Variants in TMEM39B observed in about 807,000 individuals in gnomAD.
The protein encoded by TMEM39B is transmembrane protein 39B.
A neutral mutation model predicts 52.2 loss-of-function variants in TMEM39B; 23 were observed. The observed-to-expected ratio is 0.44, with a 90% CI of 0.32 to 0.62. The LOEUF (loss-of-function observed/expected upper bound fraction) is 0.62, where lower values mean the gene tolerates loss of function less well. TMEM39B is among the 20% of genes least tolerant of loss of function. The probability of loss-of-function intolerance (pLI) is 0.06; values close to 1 mark genes in which losing one functional copy is unlikely to be tolerated. For synonymous variants in TMEM39B, 285 were observed against 264.0 expected (o/e 1.08, Z -0.77); for missense variants, 547 against 642.0 (o/e 0.85, Z 1.60).
chr1:32,079,116 G>A (rs777556928), intron 5 of TMEM39B, among the ~76,000 whole-genome samples: 5 of 151,738 alleles, frequency 3.3e-5, no homozygotes, highest in Non-Finnish European at 5.9e-5. Flanking sequence ...AGGCTGGAGT[G>A]CAGTGGCTAT....
intron 2 of TMEM39B, 30 bp from the exon 3 acceptor site, chr1:32,075,573 C>G: frequency 1.3e-6 from 2 of 1,535,058 alleles, no homozygotes; most frequent in Non-Finnish European, 1.8e-6. Flanking sequence ...CTCAGGTCAG[C>G]TGCTGATGTT....
rs757498173 is a variant in TMEM39B, at chr1:32,079,840, G to A, written c.590+2522G>A. ...GCTGGAGTGCAGTGGTGCAATCTTG[G>A]CTCACTGCAGCCTCCAACTCCCGGG... is the stretch of plus-strand genomic sequence containing the variant. On this transcript the variant is annotated intron_variant, in intron 5 of 8. Coordinates refer to ENST00000336294, the MANE Select transcript of TMEM39B (RefSeq NM_018056.4). Among the ~76,000 whole-genome samples the A allele has an allele frequency of 8.2e-4, 124 of 151,578 alleles. 2 individuals carry two copies. Among genetic ancestry groups the A allele is most frequent in the Non-Finnish European group, 1.9e-4 (13 of 67,892 alleles).
intron 7 of TMEM39B, among the ~76,000 whole-genome samples, chr1:32,097,397 C>A (rs1391024806): frequency 6.6e-6 from 1 of 150,586 alleles, no homozygotes; most frequent in East Asian, 1.9e-4. Flanking sequence ...GTGGCGCGAT[C>A]TTGGCTCAGT....
rs1640857625 is a variant in TMEM39B at position 32,097,539 on chromosome 1, C to T, written c.1115+2568C>T. ...TAGAGATGGGGTTTCACCATGCTGG[C>T]CAGGCTGGTCACGAACTCCCAACCT... On this transcript the variant is annotated intron_variant, in intron 7 of 8. Transcript: ENST00000336294. 5.9e-5 allele frequency among the ~76,000 whole-genome samples: 9 copies of T among 151,946 alleles called. No homozygotes were observed. In the South Asian group the frequency reaches 1.9e-3, roughly 32 times the overall value.
At chr1:32,084,940 A>C (rs1040360104) in intron 5 of TMEM39B, among the ~76,000 whole-genome samples, 1 of 152,176 alleles carries the variant, frequency 6.6e-6, no homozygotes, top group East Asian at 1.9e-4. Context: ...TCTAGTATCC[A>C]GTGTTGCTAG....
At chr1:32,076,493 A>G in intron 3 of TMEM39B, 1 of 583,266 alleles carries the variant, frequency 1.7e-6, no homozygotes, top group South Asian at 1.6e-5. Flanking sequence ...ACTTCAGTGC[A>G]GACACAGTAT....
In TMEM39B at chr1:32,100,502, C is replaced by T. The variant is rs371017002; in HGVS notation, c.1176C>T (p.Tyr392=). 84 of 1,613,502 alleles carry T rather than the reference C, an allele frequency of 5.2e-5. No homozygotes were observed. In the African/African-American group the frequency reaches 1.1e-3, roughly 20 times the overall value. Reference sequence around the variant, plus strand: ...TGGTGAAGCACAGCAAGAACGTCTACAAAGCCGTAGGCCACTACAACGTGG... The same window carrying T: ...TGGTGAAGCACAGCAAGAACGTCTATAAAGCCGTAGGCCACTACAACGTGG... The part of the protein sequence containing the change: ...GVLVKHSKNV[Y]KAVGHYNVAI... Residue 392 remains tyrosine, a synonymous_variant, in exon 8 of 9, where the codon TAC becomes TAT. Transcript: ENST00000336294.
rs1435107624 is a variant in TMEM39B, at chr1:32,078,393, G to GAATC, written c.590+1077_590+1080dup. Among the ~76,000 whole-genome samples, 3 of 152,054 alleles carry GAATC rather than the reference G, an allele frequency of 2.0e-5. No homozygotes were observed. The East Asian group carries it at 5.8e-4, about 29-fold the overall frequency. ...AGCTACTCAGGAAGCTGAGGTGGGAGAATCACCTGAGCTCAGGAGGTCGAG... is the reference window on the plus strand; with the variant it reads ...AGCTACTCAGGAAGCTGAGGTGGGAGAATCAATCACCTGAGCTCAGGAGGTCGAG... On this transcript the variant is annotated intron_variant, in intron 5 of 8. Coordinates refer to ENST00000336294, the MANE Select transcript of TMEM39B (RefSeq NM_018056.4).
chr1:32,072,075 C>T (rs1173013026), upstream of TMEM39B: 4 of 152,332 alleles, frequency 2.6e-5, no homozygotes, highest in East Asian at 7.7e-4. Context: ...TTGTTCATGT[C>T]TATCTCCTCC....
intron 5 of TMEM39B, among the ~76,000 whole-genome samples, chr1:32,081,101 T>C (rs1482884286): frequency 6.6e-6 from 1 of 152,166 alleles, no homozygotes; most frequent in Non-Finnish European, 1.5e-5. Context: ...AGTCCCACTC[T>C]TCATAGAAAA....
At chr1:32,073,272 C>T (rs992222687) in intron 1 of TMEM39B, 7 of 566,280 alleles carry the variant, frequency 1.2e-5, no homozygotes, top group African/African-American at 2.0e-5. Flanking sequence ...AAGACGAAGC[C>T]CTGTGGGGGC....
chr1:32,077,603 A>G (rs1337921208), intron 5 of TMEM39B, among the ~76,000 whole-genome samples: 1 of 152,176 alleles, frequency 6.6e-6, no homozygotes, highest in African/African-American at 2.4e-5. Flanking sequence ...GAGGGAATGT[A>G]TGGGCTTTGT....
At chr1:32,087,216 G>A (rs928029733) in intron 5 of TMEM39B, among the ~76,000 whole-genome samples, 7 of 151,288 alleles carry the variant, frequency 4.6e-5, no homozygotes. Context: ...ATTTCAGGAG[G>A]CTGATGCAGG....
In TMEM39B at chr1:32,072,968, T is replaced by A. The variant is rs1639696848; in HGVS notation, c.-80T>A. The A allele has an allele frequency of 1.4e-5, 22 of 1,517,752 alleles. No individual in the cohort carries two copies. In the South Asian group the frequency reaches 2.4e-4, roughly 17 times the overall value. 94.0% of individuals were successfully genotyped at this position (1,517,752 alleles called of 1,614,324 possible). A position where few individuals can be genotyped will look rare whatever the true frequency, so the allele number is the denominator to read the frequency against. The stretch of plus-strand genomic sequence containing the variant: ...CCCGGGACTGGGCTGCGGCGGTTAG[T>A]CCTCTCCCGGCCGCCGTCGCCTCCG... On this transcript the variant is annotated 5_prime_UTR_variant, in exon 1 of 9. Coordinates refer to ENST00000336294, the MANE Select transcript of TMEM39B (RefSeq NM_018056.4).
chr1:32,093,401 T>G (rs1640684505), intron 6 of TMEM39B, among the ~76,000 whole-genome samples: 1 of 25,484 alleles, frequency 3.9e-5, no homozygotes, highest in Non-Finnish European at 1.1e-4. Context: ...GCCCGGCCCT[T>G]TTTTTTTTTT....
intron 7 of TMEM39B, among the ~76,000 whole-genome samples, chr1:32,098,088 C>A (rs181474105): frequency 1.4e-4 from 22 of 152,186 alleles, no homozygotes; most frequent in African/African-American, 3.4e-4. Context: ...CCTCCACCTT[C>A]CGGGTTCAAG....
upstream of TMEM39B, chr1:32,072,818 G>A (rs1639691253): frequency 1.8e-6 from 1 of 548,612 alleles, no homozygotes; most frequent in Admixed American, 3.6e-5. Context: ...AGGGCGTGGG[G>A]GACCGAGAGA....
At chr1:32,076,599 A>C (rs537009388) in intron 3 of TMEM39B, 164 bp from the exon 4 acceptor site, 11 of 736,976 alleles carry the variant, frequency 1.5e-5, no homozygotes, top group Non-Finnish European at 2.7e-5. Flanking sequence ...GTCCTGTCCT[A>C]CTCCTGTAGG....
At chr1:32,099,395 A>G (rs1640934764) in intron 7 of TMEM39B, among the ~76,000 whole-genome samples, 1 of 152,174 alleles carries the variant, frequency 6.6e-6, no homozygotes, top group African/African-American at 2.4e-5. Flanking sequence ...GCAGCACACC[A>G]ATGTGGCACA....
Sources: gnomAD v4.1 joint callset for allele counts (sites outside exome capture counted in the v4.1 genomes callset) on GRCh38, gnomAD v4.1.1 for gene constraint, MANE v1.5 for transcripts, NCBI Gene and HGNC (gene_info 2026-07-23, HGNC 2026-07-21) for gene names.